The following KHDC1 variants were observed in gnomAD, a reference collection of about 807,000 sequenced individuals.
The protein encoded by KHDC1 is KH homology domain-containing protein 1.
KHDC1 carries 21 observed loss-of-function variants against 24.7 expected under a neutral mutation model. The observed-to-expected ratio is 0.85, with a 90% CI of 0.60 to 1.23. The LOEUF is 1.23. Among genes scored for constraint, KHDC1 ranks in the 50% most tolerant of loss-of-function variants. KHDC1 has a pLI of 0.00. For synonymous variants in KHDC1, 98 were observed against 111.7 expected (o/e 0.88, Z 0.77); for missense variants, 274 against 298.5 (o/e 0.92, Z 0.61).
rs370446904 is a variant in KHDC1 at position 73,298,423 on chromosome 6, A to ATTT, written c.164-6386_164-6384dup. Among the ~76,000 whole-genome samples, 13 of 59,976 alleles carry ATTT rather than the reference A, an allele frequency of 2.2e-4. 2 individuals are homozygous for ATTT. In the East Asian group the frequency reaches 2.5e-3, roughly 12 times the overall value. The allele number at this position is 59,976 out of a possible 152,430, so 39.3% of individuals were successfully genotyped here. A position where few individuals can be genotyped will look rare whatever the true frequency, so the allele number is the denominator to read the frequency against. ...CCTGGAAGGACTCTATACTTTGCAAATTTTTTTTTTTTTTTTTTTTTTTTT... is the reference window on the plus strand; with the variant it reads ...CCTGGAAGGACTCTATACTTTGCAAATTTTTTTTTTTTTTTTTTTTTTTTTTTT... On this transcript the variant is annotated intron_variant, in intron 1 of 4. Transcript: ENST00000370384.
chr6:73,297,527 C>T (rs574543009), intron 1 of KHDC1, among the ~76,000 whole-genome samples: 4 of 152,038 alleles, frequency 2.6e-5, no homozygotes, highest in African/African-American at 4.8e-5. Context: ...AAATTCCAAA[C>T]GTAGATTTGC....
At chr6:73,253,828 G>A (rs1334879004) in intron 2 of KHDC1, among the ~76,000 whole-genome samples, 1 of 152,098 alleles carries the variant, frequency 6.6e-6, no homozygotes, top group Non-Finnish European at 1.5e-5. Flanking sequence ...GATAACTGGA[G>A]CCCAGGAATT....
intron 1 of KHDC1, chr6:73,292,584 T>G: frequency 5.2e-6 from 4 of 764,846 alleles, no homozygotes; most frequent in Non-Finnish European, 7.3e-6. Flanking sequence ...CTCCAGTCTC[T>G]TCAGCAGAGA....
chr6:73,308,092 T>TTTTG, intron 1 of KHDC1, among the ~76,000 whole-genome samples: 1 of 131,478 alleles, frequency 7.6e-6, no homozygotes, highest in Non-Finnish European at 1.6e-5. Context: ...TTTTTTTTTT[T>TTTTG]GAGACAGAGT....
At chr6:73,242,587 G>C in intron 2 of KHDC1, 57 bp from the exon 2 acceptor site, 3 of 1,610,798 alleles carry the variant, frequency 1.9e-6, no homozygotes, top group Non-Finnish European at 2.5e-6. Flanking sequence ...TTGGAAAAGT[G>C]AGGGAGGGCC....
intron 1 of KHDC1, among the ~76,000 whole-genome samples, chr6:73,305,925 A>C (rs498674): frequency 0.94 from 143,650 of 152,178 alleles, 68,361 homozygotes; most frequent in East Asian, 1. Flanking sequence ...TCCCAAAGTG[A>C]TGGAATTACA....
intron 2 of KHDC1, 106 bp from the exon 1 acceptor site, chr6:73,263,302 G>T: frequency 1.0e-6 from 1 of 984,730 alleles, no homozygotes. Context: ...CACTGCCGGC[G>T]CGCAGAGAGC....
At chr6:73,297,541 G>T (rs930108963) in intron 1 of KHDC1, among the ~76,000 whole-genome samples, 1 of 152,100 alleles carries the variant, frequency 6.6e-6, no homozygotes, top group African/African-American at 2.4e-5. Flanking sequence ...GATTTGCTGT[G>T]TCAAGGGGTG....
At chr6:73,259,144 T>TA (rs1367550899) in intron 2 of KHDC1, among the ~76,000 whole-genome samples, 1 of 152,172 alleles carries the variant, frequency 6.6e-6, no homozygotes, top group Admixed American at 6.6e-5. Context: ...CCTGGTGGCT[T>TA]AAGACAGAAT....
At chr6:73,248,679 T>C (rs1363148864) in intron 2 of KHDC1, among the ~76,000 whole-genome samples, 1 of 152,298 alleles carries the variant, frequency 6.6e-6, no homozygotes, top group East Asian at 1.9e-4. Flanking sequence ...TTAATCTCCC[T>C]CTTCCAAGAG....
At chr6:73,290,865 C>A in intron 2 of KHDC1, 1 of 354,190 alleles carries the variant, frequency 2.8e-6, no homozygotes, top group South Asian at 2.4e-5. Context: ...ACAGATTCTC[C>A]TCTGAGCTAT....
At chr6:73,251,780 T>C (rs891285236) in intron 2 of KHDC1, among the ~76,000 whole-genome samples, 1 of 149,530 alleles carries the variant, frequency 6.7e-6, no homozygotes, top group African/African-American at 2.5e-5. Context: ...AATTCTTTTT[T>C]TTCCTTTTCT....
At chr6:73,309,218 A>T (rs1768033903) in intron 1 of KHDC1, among the ~76,000 whole-genome samples, 1 of 152,262 alleles carries the variant, frequency 6.6e-6, no homozygotes, top group Admixed American at 6.5e-5. Flanking sequence ...GTGACGGGGC[A>T]GACCCGCAAA....
At chr6:73,245,803 AAGTCC>A (rs1334595919) in intron 2 of KHDC1, among the ~76,000 whole-genome samples, 1 of 152,172 alleles carries the variant, frequency 6.6e-6, no homozygotes, top group Non-Finnish European at 1.5e-5. Context: ...GGAATTCCTT[AAGTCC>A]AGAATAACAG....
chr6:73,281,046 T>C (rs62438238), intron 2 of KHDC1, among the ~76,000 whole-genome samples: 35,538 of 151,580 alleles, frequency 0.23, 4,815 homozygotes, highest in African/African-American at 0.37. Flanking sequence ...CTGTCTCTAC[T>C]AAAAATACAA....
intron 2 of KHDC1, among the ~76,000 whole-genome samples, chr6:73,253,455 A>G (rs1198345723): frequency 6.6e-6 from 1 of 152,080 alleles, no homozygotes. Context: ...CGGGAGGCTG[A>G]GGCAGGAGAA....
exon 1 of KHDC1, chr6:73,309,779 A>C: frequency 2.0e-6 from 3 of 1,510,698 alleles, no homozygotes; most frequent in Non-Finnish European, 2.7e-6. Context: ...TCCTCCCGCC[A>C]CCGCAGAGCC....
chr6:73,303,906 C>T (rs1399282661), intron 1 of KHDC1, among the ~76,000 whole-genome samples: 4 of 152,088 alleles, frequency 2.6e-5, no homozygotes, highest in Non-Finnish European at 1.5e-5. Flanking sequence ...GGGCTGGGCA[C>T]GGTGGCTCAC....
exon 3 of KHDC1, chr6:73,242,473 G>C: frequency 6.2e-7 from 1 of 1,614,118 alleles, no homozygotes; most frequent in Non-Finnish European, 8.5e-7. Context: ...TTTGAGGCAG[G>C]GTCCACCACG....
Sources: gnomAD v4.1 joint callset for allele counts (sites outside exome capture counted in the v4.1 genomes callset) on GRCh38, gnomAD v4.1.1 for gene constraint, MANE v1.5 for transcripts, NCBI Gene and HGNC (gene_info 2026-07-23, HGNC 2026-07-21) for gene names.